Variants in PXYLP1 observed in about 807,000 individuals in gnomAD.
PXYLP1 encodes 2-phosphoxylose phosphatase 1, also known as acid phosphatase-like 2.
A neutral mutation model predicts 37.9 loss-of-function variants in PXYLP1; 17 were observed. The observed-to-expected ratio is 0.45, with a 90% CI of 0.31 to 0.67. The LOEUF (loss-of-function observed/expected upper bound fraction) is 0.67, where lower values mean the gene tolerates loss of function less well. Ranked by LOEUF, PXYLP1 falls within the 30% of genes least tolerant of loss-of-function variation. The pLI, the probability that PXYLP1 is intolerant of heterozygous loss-of-function variation, is 0.07. For missense variants in PXYLP1, 511 were observed against 612.0 expected (o/e 0.84, Z 1.74); for synonymous variants, 221 against 232.2 (o/e 0.95, Z 0.44).
chr3:141,293,008 G>A lies in PXYLP1; in HGVS notation c.1246G>A (p.Glu416Lys). 6.2e-7 allele frequency: 1 copy of A among 1,614,184 alleles called. No individual in the cohort carries two copies. The highest frequency in any genetic ancestry group is 8.5e-7 in the Non-Finnish European group (1 of 1,180,024). ...TTGGCAAGACAGAGAAAAGCCCAGT[G>A]AACATTCCGTCCGGATTCTTTACAA... Reference protein sequence around the residue: ...ELWQDREKPSEHSVRILYNGV... With the variant: ...ELWQDREKPSKHSVRILYNGV... The change falls in exon 6 of 6, where the codon GAA becomes AAA. Residue 416 changes from glutamate (E) to lysine (K), a missense_variant. Physicochemically the swap from Glu to Lys is moderately conservative, Grantham distance 56. Coordinates refer to ENST00000286353, the MANE Select transcript of PXYLP1 (RefSeq NM_001037172.3).
intron 2 of PXYLP1, among the ~76,000 whole-genome samples, chr3:141,263,837 G>A (rs944841665): frequency 5.9e-5 from 9 of 152,288 alleles, no homozygotes; most frequent in South Asian, 2.1e-4. Flanking sequence ...ACGGAGATAC[G>A]GGAAAACCCT....
intron 4 of PXYLP1, among the ~76,000 whole-genome samples, chr3:141,285,284 C>T (rs1942050051): frequency 6.6e-6 from 1 of 151,122 alleles, no homozygotes. Context: ...GTGGCTGAGA[C>T]TATAGGCCTG....
intron 2 of PXYLP1, chr3:141,274,115 A>T (rs1394198381): frequency 1.0e-6 from 1 of 995,312 alleles, no homozygotes; most frequent in Non-Finnish European, 1.2e-6. Context: ...GCCTGGGCAA[A>T]GCCTGCTGGG....
At chr3:141,234,156 T>G (rs1170406578) in intron 1 of PXYLP1, 1 of 152,174 alleles carries the variant, frequency 6.6e-6, no homozygotes, top group Non-Finnish European at 1.5e-5. Flanking sequence ...TCAACAGTTT[T>G]TTTTTTTTAA....
chr3:141,244,982 T>G (rs1940901978), intron 1 of PXYLP1, among the ~76,000 whole-genome samples: 1 of 151,406 alleles, frequency 6.6e-6, no homozygotes, highest in African/African-American at 2.4e-5. Context: ...TAACTAACAT[T>G]CATGATAGGT....
At position 141,253,508 on chromosome 3, in the gene PXYLP1, T is replaced by G. The variant is rs573674458; in HGVS notation, c.-53-6615T>G. Among the ~76,000 whole-genome samples, 36 of 152,284 alleles carry G rather than the reference T, an allele frequency of 2.4e-4. No individual in the cohort carries two copies. In the South Asian group the frequency reaches 6.2e-3, roughly 26 times the overall value. On this transcript the variant is annotated intron_variant, in intron 1 of 5. Coordinates refer to ENST00000286353, the MANE Select transcript of PXYLP1 (RefSeq NM_001037172.3). ...AGTCACAGATGCACCAACACCAATC[T>G]GCTCTTCAAGATGGAGTTCTGGCAT... is the stretch of plus-strand genomic sequence containing the variant.
intron 5 of PXYLP1, among the ~76,000 whole-genome samples, chr3:141,290,597 C>T (rs970807957): frequency 2.6e-5 from 4 of 152,038 alleles, no homozygotes; most frequent in Non-Finnish European, 2.9e-5. Context: ...GAAAGGGGAA[C>T]GGTATGAACA....
rs148715568 is a variant in PXYLP1, at chr3:141,274,744, A to G, written c.80-3598A>G. 8.7e-6 allele frequency: 6 copies of G among 686,502 alleles called. No individual in the cohort carries two copies. The East Asian group carries it at 1.1e-4, about 12-fold the overall frequency. 42.5% of individuals were successfully genotyped at this position (686,502 alleles called of 1,614,324 possible). A position where few individuals can be genotyped will look rare whatever the true frequency, so the allele number is the denominator to read the frequency against. On this transcript the variant is annotated intron_variant, in intron 2 of 5. Coordinates refer to ENST00000286353, the MANE Select transcript of PXYLP1 (RefSeq NM_001037172.3). ...GACAAACTGGGACACCCCTGCTTGC[A>G]TATACTATGCTGTGAGCCATGACGG...
intron 1 of PXYLP1, among the ~76,000 whole-genome samples, chr3:141,236,826 G>A (rs1276104161): frequency 6.6e-6 from 1 of 152,152 alleles, no homozygotes; most frequent in African/African-American, 2.4e-5. Flanking sequence ...AATAATAATG[G>A]AGGGACTTAC....
chr3:141,261,553 TAGA>T (rs1941395775), intron 2 of PXYLP1, among the ~76,000 whole-genome samples: 1 of 152,182 alleles, frequency 6.6e-6, no homozygotes, highest in Non-Finnish European at 1.5e-5. Flanking sequence ...ACAGTTTACC[TAGA>T]AGAAGAAGAG....
chr3:141,236,109 G>A (rs560727823), intron 1 of PXYLP1, among the ~76,000 whole-genome samples: 161 of 152,294 alleles, frequency 1.1e-3, no homozygotes, highest in Non-Finnish European at 2.1e-3. Flanking sequence ...CTGTGCATGC[G>A]TCTGCCCCTC....
At chr3:141,236,032 G>A (rs1940650471) in intron 1 of PXYLP1, among the ~76,000 whole-genome samples, 2 of 152,164 alleles carry the variant, frequency 1.3e-5, no homozygotes, top group Admixed American at 1.3e-4. Context: ...GAACTGGATG[G>A]CGGCTTGGGG....
intron 1 of PXYLP1, among the ~76,000 whole-genome samples, chr3:141,253,396 T>C (rs1444911228): frequency 2.0e-5 from 3 of 152,048 alleles, no homozygotes; most frequent in Non-Finnish European, 2.9e-5. Flanking sequence ...GGATGTATCA[T>C]CCCCCTCTCT....
At chr3:141,273,534 T>C (rs1941718926) in intron 2 of PXYLP1, 2 of 985,368 alleles carry the variant, frequency 2.0e-6, no homozygotes, top group African/African-American at 1.7e-5. Flanking sequence ...GGAGGGAGCC[T>C]GCGTGGGATA....
intron 4 of PXYLP1, among the ~76,000 whole-genome samples, chr3:141,285,530 A>C (rs1027226228): frequency 1.3e-5 from 2 of 152,142 alleles, no homozygotes; most frequent in African/African-American, 2.4e-5. Context: ...ACAACAAAAA[A>C]AAACAAAAAT....
chr3:141,247,285 A>T (rs1051266710), intron 1 of PXYLP1, among the ~76,000 whole-genome samples: 2 of 152,252 alleles, frequency 1.3e-5, no homozygotes, highest in East Asian at 1.9e-4. Flanking sequence ...TATTTGGTTG[A>T]CATCCATGGA....
chr3:141,266,369 A>G lies in PXYLP1; in HGVS notation c.79+6115A>G, dbSNP rs186343363. 1.8e-3 allele frequency among the ~76,000 whole-genome samples: 270 copies of G among 152,220 alleles called. 1 individual carries two copies. The highest frequency in any genetic ancestry group is 5.6e-3 in the African/African-American group (233 of 41,536). On this transcript the variant is annotated intron_variant, in intron 2 of 5. Coordinates refer to ENST00000286353, the MANE Select transcript of PXYLP1 (RefSeq NM_001037172.3). ...GTCGGGGCTGCCACCCTGGGTGGGG[A>G]GAGTGCTGTCTTGGTCGCCACAGCG...
Position 141,234,055 on chromosome 3 carries a change from G to GA in PXYLP1, c.-54+2152dup, listed in dbSNP as rs549222107. ...CATAGGGGTACTCAGTGTTTGTGAG[G>GA]AAAAAAAATGGATGCCCCGGTGAAT... On this transcript the variant is annotated intron_variant, in intron 1 of 5. Transcript: ENST00000286353. Among the ~76,000 whole-genome samples the GA allele has an allele frequency of 7.5e-3, 1,131 of 151,626 alleles. 35 individuals are homozygous for GA. Among genetic ancestry groups the GA allele is most frequent in the Non-Finnish European group, 3.8e-3 (255 of 67,842 alleles).
At chr3:141,258,023 G>A (rs1034902265) in intron 1 of PXYLP1, among the ~76,000 whole-genome samples, 1 of 152,102 alleles carries the variant, frequency 6.6e-6, no homozygotes, top group African/African-American at 2.4e-5. Context: ...AAGTCAGGGA[G>A]AGGGAAATCC....
Sources: gnomAD v4.1 joint callset for allele counts (sites outside exome capture counted in the v4.1 genomes callset) on GRCh38, gnomAD v4.1.1 for gene constraint, MANE v1.5 for transcripts, NCBI Gene and HGNC (gene_info 2026-07-23, HGNC 2026-07-21) for gene names.